TJP2: variants seen among roughly 807,000 people sequenced by gnomAD.
TJP2 encodes the protein tight junction protein 2, also known as Friedreich ataxia region gene X104 (tight junction protein ZO-2).
Under a neutral mutation model 133.1 loss-of-function variants are expected in TJP2, and 91 were observed. The ratio of observed to expected loss-of-function variants is 0.68; its 90% CI spans 0.58 to 0.81. The LOEUF (loss-of-function observed/expected upper bound fraction) is 0.81, where lower values mean the gene tolerates loss of function less well. Among genes scored for constraint, TJP2 ranks in the 40% least tolerant of loss-of-function variants. TJP2 has a pLI of 0.00. For missense variants in TJP2, 1,541 were observed against 1,565.6 expected (o/e 0.98, Z 0.26); for synonymous variants, 592 against 583.4 (o/e 1.01, Z -0.21).
chr9:69,198,498 TAA>T (rs1211093186), intron 1 of TJP2, among the ~76,000 whole-genome samples: 6 of 152,186 alleles, frequency 3.9e-5, no homozygotes, highest in Non-Finnish European at 8.8e-5. Flanking sequence ...TTACCTTAGG[TAA>T]ATAAAGGAGA....
chr9:69,187,177 A>T (rs1241189929), intron 1 of TJP2, among the ~76,000 whole-genome samples: 1 of 152,192 alleles, frequency 6.6e-6, no homozygotes, highest in African/African-American at 2.4e-5. Flanking sequence ...GAACAGAAGG[A>T]ACATACACAT....
chr9:69,248,027 G>A lies in TJP2; in HGVS notation c.2683G>A (p.Asp895Asn). 1 of 1,607,908 alleles carries A rather than the reference G, an allele frequency of 6.2e-7. No individual in the cohort carries two copies. The highest frequency in any genetic ancestry group is 8.5e-7 in the Non-Finnish European group (1 of 1,175,712). ...VSEGKMEGMD[D>N]DPEDRMSYLT... ...ATTCCTCTAGATGGAAGGGATGGAT[G>A]ATGACCCCGAAGACCGCATGTCCTA... The change falls in exon 19 of 23, where the codon GAT (aspartate) becomes AAT (asparagine). Residue 895 changes from aspartate (D) to asparagine (N), a missense_variant. Transcript: ENST00000377245.
At chr9:69,204,602 G>A (rs1031351649) in intron 1 of TJP2, among the ~76,000 whole-genome samples, 4 of 152,196 alleles carry the variant, frequency 2.6e-5, no homozygotes, top group Non-Finnish European at 4.4e-5. Flanking sequence ...TTGTCTCTGA[G>A]CAGCACCAAA....
chr9:69,177,867 A>G (rs1403937162), intron 1 of TJP2, among the ~76,000 whole-genome samples: 3 of 152,032 alleles, frequency 2.0e-5, no homozygotes, highest in Non-Finnish European at 4.4e-5. Context: ...TGCTGCATAC[A>G]TTGTAGTGTG....
upstream of TJP2, among the ~76,000 whole-genome samples, chr9:69,173,702 CTT>C (rs1280708181): frequency 7.2e-5 from 11 of 152,184 alleles, no homozygotes; most frequent in South Asian, 2.1e-4. Flanking sequence ...GGACCTAAAA[CTT>C]TGAGGTTTTC....
intron 1 of TJP2, among the ~76,000 whole-genome samples, chr9:69,125,016 G>A (rs181770432): frequency 0.012 from 934 of 76,448 alleles, 336 homozygotes; most frequent in African/African-American, 0.033. Context: ...GCAACGGCGC[G>A]ATCTTGGCTT....
chr9:69,230,351 T>A, intron 11 of TJP2, 119 bp downstream of exon 11: 1 of 1,297,008 alleles, frequency 7.7e-7, no homozygotes, highest in African/African-American at 1.4e-5. Context: ...GCTGCAAGTT[T>A]GTTGATGCCC....
In TJP2 at chr9:69,153,536, A is replaced by G. The variant is rs544341938; in HGVS notation, c.-10+1765A>G. Among the ~76,000 whole-genome samples, 74 of 152,284 alleles carry G rather than the reference A, an allele frequency of 4.9e-4. No homozygotes were observed. In the East Asian group the frequency reaches 5.2e-3, roughly 11 times the overall value. On this transcript the variant is annotated intron_variant, in intron 2 of 5. Transcript: ENST00000423935. ...GAGGTGGAGGTTACAGTGAGCTGAG[A>G]TCGTGCCACTGCATTCCAGCCTTGC...
chr9:69,222,259 C>G (rs868207907), intron 5 of TJP2, among the ~76,000 whole-genome samples: 1 of 151,516 alleles, frequency 6.6e-6, no homozygotes, highest in Non-Finnish European at 1.5e-5. Context: ...TCACTGCAAC[C>G]TCTGCCTCCT....
Position 69,234,430 on chromosome 9 carries a change from TCCTA to T in TJP2, c.1672-8_1672-5del, listed in dbSNP as rs1830025378. 1.3e-6 allele frequency: 2 copies of T among 1,514,314 alleles called. No homozygotes were observed. The highest frequency in any genetic ancestry group is 1.8e-6 in the Non-Finnish European group (2 of 1,109,620). The allele number at this position is 1,514,314 out of a possible 1,614,324, so 93.8% of individuals were successfully genotyped here. On this transcript the variant is annotated splice_polypyrimidine_tract_variant and splice_region_variant and intron_variant, in intron 11 of 22. Coordinates refer to ENST00000377245, the MANE Select transcript of TJP2 (RefSeq NM_004817.4). ...TTTTTTTTCTTTTTCTGTTTTTCCTTCCTAATAGGTGAACACACAGGATTTCAGA... is the reference window on the plus strand; with the variant it reads ...TTTTTTTTCTTTTTCTGTTTTTCCTTATAGGTGAACACACAGGATTTCAGA...
At chr9:69,248,970 C>CAAAAAAAAAAAAAAAAAAAAATA in intron 19 of TJP2, 1 of 822,652 alleles carries the variant, frequency 1.2e-6, no homozygotes, top group Non-Finnish European at 1.4e-6. Flanking sequence ...ATAGAACTAC[C>CAAAAAAAAAAAAAAAAAAAAATA]AAAAAAAAAA....
At chr9:69,208,737 A>G (rs534361634) in intron 1 of TJP2, among the ~76,000 whole-genome samples, 4 of 152,272 alleles carry the variant, frequency 2.6e-5, no homozygotes, top group East Asian at 1.9e-4. Flanking sequence ...GCATTGCCCA[A>G]TCCTGGGGAT....
chr9:69,230,266 C>T lies in TJP2; in HGVS notation c.1671+34C>T, dbSNP rs778310337. The T allele has an allele frequency of 1.9e-6, 3 of 1,613,462 alleles. No individual in the cohort carries two copies. The East Asian group carries it at 6.7e-5, about 36-fold the overall frequency. ...AGCCCAGCTCTGTTTCTAGAAGTTA[C>T]TTGTAAGGAGTGCACTTTTCTGGGT... On this transcript the variant is annotated intron_variant, in intron 11 of 22. Coordinates refer to ENST00000377245, the MANE Select transcript of TJP2 (RefSeq NM_004817.4).
rs752391878 is a variant in TJP2 at position 69,216,503 on chromosome 9, A to G, written c.239+40A>G. The G allele has an allele frequency of 6.8e-6, 11 of 1,612,252 alleles. No homozygotes were observed. The African/African-American group carries it at 8.0e-5, about 12-fold the overall frequency. Reference sequence around the variant, plus strand: ...TCGCTCCGCAGCCCCTACCAGCCCTACTGGTTGGCCCTAGACGGGGTATTT... The same window carrying G: ...TCGCTCCGCAGCCCCTACCAGCCCTGCTGGTTGGCCCTAGACGGGGTATTT... On this transcript the variant is annotated intron_variant, in intron 3 of 22. Transcript: ENST00000377245.
intron 1 of TJP2, among the ~76,000 whole-genome samples, chr9:69,143,429 A>G (rs1823089494): frequency 6.6e-6 from 1 of 152,214 alleles, no homozygotes; most frequent in African/African-American, 2.4e-5. Flanking sequence ...TGTTAGAACA[A>G]TGACTGTTGT....
Position 69,251,283 on chromosome 9 carries a change from CA to C in TJP2, c.3243del (p.Val1082SerfsTer126). 1 of 1,614,160 alleles carries C rather than the reference CA, an allele frequency of 6.2e-7. No homozygotes were observed. Among genetic ancestry groups the C allele is most frequent in the South Asian group, 1.1e-5 (1 of 91,084 alleles). On this transcript the variant is annotated frameshift_variant, in exon 21 of 23. Transcript: ENST00000377245. LOFTEE classifies it high-confidence loss of function. ...QDNAPKSVLG[K>X]VKIFEKMDHK... ...ATAATGCTCCCAAATCAGTCCTGGGCAAAGTCAAAATATTTGAGAAGATGGA... is the reference window on the plus strand; with the variant it reads ...ATAATGCTCCCAAATCAGTCCTGGGCAAGTCAAAATATTTGAGAAGATGGA...
At chr9:69,169,368 T>G (rs1373379945), upstream of TJP2, among the ~76,000 whole-genome samples, 72 of 134,158 alleles carry the variant, frequency 5.4e-4, 1 homozygote, top group South Asian at 1.2e-3. Context: ...TTTTTTTTTT[T>G]TGGGGGGGGG....
chr9:69,144,761 C>T (rs1040114408), intron 1 of TJP2, among the ~76,000 whole-genome samples: 1 of 152,160 alleles, frequency 6.6e-6, no homozygotes, highest in Admixed American at 6.5e-5. Context: ...TGTGGCGGGG[C>T]ACATGACTAC....
intron 1 of TJP2, among the ~76,000 whole-genome samples, chr9:69,142,333 C>A (rs1031599828): frequency 3.3e-5 from 5 of 152,170 alleles, no homozygotes; most frequent in Non-Finnish European, 7.3e-5. Flanking sequence ...GCAGGTGAGT[C>A]TAAAAGAGCC....
Sources: gnomAD v4.1 joint callset for allele counts (sites outside exome capture counted in the v4.1 genomes callset) on GRCh38, gnomAD v4.1.1 for gene constraint, MANE v1.5 for transcripts, NCBI Gene and HGNC (gene_info 2026-07-23, HGNC 2026-07-21) for gene names.